RNASEL: variants seen among roughly 807,000 people sequenced by gnomAD.
RNASEL encodes the protein 2-5A-dependent ribonuclease.
RNASEL carries 36 observed loss-of-function variants against 50.9 expected under a neutral mutation model. That is an observed-to-expected ratio of 0.71 (90% CI 0.54 to 0.93). The LOEUF (loss-of-function observed/expected upper bound fraction) is 0.93. Among genes scored for constraint, RNASEL ranks in the 40% least tolerant of loss-of-function variants. The probability of loss-of-function intolerance (pLI) is 0.00; values close to 1 mark genes in which losing one functional copy is unlikely to be tolerated. For missense variants in RNASEL, 860 were observed against 894.5 expected (o/e 0.96, Z 0.49); for synonymous variants, 335 against 335.6 (o/e 1.00, Z 0.02).
chr1:182,584,313 A>G, intron 2 of RNASEL, 147 bp from the exon 3 acceptor site: 1 of 673,532 alleles, frequency 1.5e-6, no homozygotes, highest in Non-Finnish European at 2.7e-6. Context: ...TTTGCCATTC[A>G]CCCCTCAAAA....
Position 182,576,323 on chromosome 1 carries a change from T to A in RNASEL, c.1972A>T (p.Thr658Ser). 6.2e-7 allele frequency: 1 copy of A among 1,611,586 alleles called. No homozygotes were observed. The highest frequency in any genetic ancestry group is 8.5e-7 in the Non-Finnish European group (1 of 1,178,136). The change falls in exon 6 of 7, where the codon ACT (threonine) becomes TCT (serine). Residue 658 changes from threonine (T) to serine (S), a missense_variant. Physicochemically the swap from Thr to Ser is moderately conservative, Grantham distance 58 (BLOSUM62 1). Coordinates refer to ENST00000367559, the MANE Select transcript of RNASEL (RefSeq NM_021133.4). Reference sequence around the variant, plus strand: ...ATGAACTTTAGCAGATCACCCACAGTGTTCTGGTAGAAATTGCCTCTTTTT... The same window carrying A: ...ATGAACTTTAGCAGATCACCCACAGAGTTCTGGTAGAAATTGCCTCTTTTT... The part of the protein sequence containing the change: ...YEKRGNFYQN[T>S]VGDLLKFIRN...
chr1:182,577,333 A>C (rs1377710113), intron 5 of RNASEL, among the ~76,000 whole-genome samples: 1 of 152,090 alleles, frequency 6.6e-6, no homozygotes, highest in Non-Finnish European at 1.5e-5. Flanking sequence ...AAAATCTTTG[A>C]CTACTATACT....
rs529117669 is a variant in RNASEL, at chr1:182,573,990, C to G, written c.*1402G>C. 1 of 199,466 alleles carries G rather than the reference C, an allele frequency of 5.0e-6. No homozygotes were observed. The highest frequency in any genetic ancestry group is 1.9e-4 in the South Asian group (1 of 5,204). 12.4% of individuals were successfully genotyped at this position (199,466 alleles called of 1,614,324 possible). ...TAGTAACACTTCCTAGCTATACGTC[C>G]TAGAGGAAATCAAAATGTTTCTAAC... On this transcript the variant is annotated 3_prime_UTR_variant, in exon 7 of 7. Coordinates refer to ENST00000367559, the MANE Select transcript of RNASEL (RefSeq NM_021133.4).
intron 5 of RNASEL, chr1:182,580,095 A>G (rs900649194): frequency 6.3e-5 from 25 of 396,226 alleles, no homozygotes; most frequent in African/African-American, 5.0e-4. Context: ...TGGCTGCCAC[A>G]TAATCATAAT....
intron 5 of RNASEL, 66 bp downstream of exon 5, chr1:182,581,159 T>G: frequency 1.2e-6 from 2 of 1,611,458 alleles, no homozygotes; most frequent in Admixed American, 1.7e-5. Context: ...ATAGAAAAAC[T>G]AACATAAAAC....
chr1:182,575,885 A>G (rs1387848132), intron 6 of RNASEL, among the ~76,000 whole-genome samples: 4 of 152,254 alleles, frequency 2.6e-5, no homozygotes, highest in African/African-American at 9.6e-5. Flanking sequence ...TGAGTTTGCA[A>G]CTAACATCTT....
At chr1:182,588,713 C>T (rs1308974805) in intron 1 of RNASEL, among the ~76,000 whole-genome samples, 1 of 152,180 alleles carries the variant, frequency 6.6e-6, no homozygotes, top group Non-Finnish European at 1.5e-5. Flanking sequence ...GCAACACATA[C>T]ACGATCACCA....
rs534960363 is a variant in RNASEL at position 182,581,356 on chromosome 1, G to T, written c.1774C>A (p.Arg592Ser). The change falls in exon 5 of 7, where the codon CGC becomes AGC. Residue 592 changes from arginine to serine, a missense_variant and splice_region_variant. Physicochemically the swap from Arg to Ser is moderately radical, Grantham distance 110. Transcript: ENST00000367559. ...CCCACATTCCGAAGCGTCCTATAGCGGCTGAAGATGACTAAATGATCTAAA... is the reference window on the plus strand; with the variant it reads ...CCCACATTCCGAAGCGTCCTATAGCTGCTGAAGATGACTAAATGATCTAAA... ...GHPFFWTWES[R>S]YRTLRNVGNE... The T allele has an allele frequency of 6.2e-7, 1 of 1,613,662 alleles. No individual in the cohort carries two copies. Among genetic ancestry groups the T allele is most frequent in the Non-Finnish European group, 8.5e-7 (1 of 1,179,972 alleles).
intron 5 of RNASEL, chr1:182,576,946 G>C (rs1292074380): frequency 6.7e-6 from 1 of 149,976 alleles, no homozygotes; most frequent in Admixed American, 6.6e-5. Flanking sequence ...GTGCGATCTT[G>C]GCTCACTGCA....
rs1239740393 is a variant in RNASEL, at chr1:182,585,646, T to C, written c.1161A>G (p.Gln387=). The C allele has an allele frequency of 6.2e-7, 1 of 1,614,194 alleles. No individual in the cohort carries two copies. The highest frequency in any genetic ancestry group is 1.1e-5 in the South Asian group (1 of 91,090). Residue 387 remains glutamine, a synonymous_variant, in exon 2 of 7, where the codon CAA becomes CAG. Transcript: ENST00000367559. The part of the protein sequence containing the change: ...GGIYLGFYEK[Q]EVAVKTFCEG... The stretch of plus-strand genomic sequence containing the variant: ...CACAGAACGTCTTCACAGCTACTTC[T>C]TGCTTCTCATAGAACCCCAGGTAGA...
chr1:182,585,185 T>C (rs1289584873), intron 2 of RNASEL, 142 bp downstream of exon 2: 15 of 848,642 alleles, frequency 1.8e-5, no homozygotes, highest in Non-Finnish European at 2.8e-5. Flanking sequence ...TGCACTGTAA[T>C]TATGAATTTG....
chr1:182,588,363 G>A (rs931524719), intron 1 of RNASEL, among the ~76,000 whole-genome samples: 1 of 152,168 alleles, frequency 6.6e-6, no homozygotes, highest in African/African-American at 2.4e-5. Context: ...AAAGTATGGA[G>A]TGTTGCAAAT....
At position 182,586,411 on chromosome 1, in the gene RNASEL, G is replaced by A; in HGVS notation, c.396C>T (p.Ala132=). ...DFYGFTAFME[A]AVYGKVKALK... is the part of the protein sequence containing the mutation. ...GGGCTTTGACCTTACCATACACAGC[G>A]GCTTCCATGAAGGCTGTGAAGCCAT... Residue 132 remains alanine (A), a synonymous_variant, in exon 2 of 7, where the codon GCC becomes GCT. Coordinates refer to ENST00000367559, the MANE Select transcript of RNASEL (RefSeq NM_021133.4). 2.5e-6 allele frequency: 4 copies of A among 1,614,116 alleles called. No homozygotes were observed. Among genetic ancestry groups the A allele is most frequent in the Non-Finnish European group, 3.4e-6 (4 of 1,180,028 alleles).
chr1:182,575,308 T>G lies in RNASEL; in HGVS notation c.*84A>C. On this transcript the variant is annotated 3_prime_UTR_variant, in exon 7 of 7. Coordinates refer to ENST00000367559, the MANE Select transcript of RNASEL (RefSeq NM_021133.4). Reference sequence around the variant, plus strand: ...AACTCATCCCTCACAAGCAACCTGGTGAGTTAAAAGGCCCAGAATGTTGTG... The same window carrying G: ...AACTCATCCCTCACAAGCAACCTGGGGAGTTAAAAGGCCCAGAATGTTGTG... 51 of 1,373,812 alleles carry G rather than the reference T, an allele frequency of 3.7e-5. No homozygotes were observed. The highest frequency in any genetic ancestry group is 5.1e-5 in the Non-Finnish European group (49 of 962,978). The allele number at this position is 1,373,812 out of a possible 1,614,324, so 85.1% of individuals were successfully genotyped here.
In RNASEL at chr1:182,582,132, G is replaced by T; in HGVS notation, c.1693C>A (p.Arg565Ser). ...ACATGTTCCCCAGGATGGAAGAGAC[G>T]ATGAATGAGGTCCTTAGTTTCCTCA... ...PDEETKDLIHRLFHPGEHVRD... is the reference protein window; with the variant it reads ...PDEETKDLIHSLFHPGEHVRD... Residue 565 changes from arginine (R) to serine (S), a missense_variant, in exon 4 of 7, where the codon CGT (arginine) becomes AGT (serine). Coordinates refer to ENST00000367559, the MANE Select transcript of RNASEL (RefSeq NM_021133.4). 1 of 1,614,200 alleles carries T rather than the reference G, an allele frequency of 6.2e-7. No individual in the cohort carries two copies. The highest frequency in any genetic ancestry group is 1.1e-5 in the South Asian group (1 of 91,088).
intron 5 of RNASEL, chr1:182,579,532 G>T: frequency 4.5e-6 from 5 of 1,108,228 alleles, no homozygotes; most frequent in Non-Finnish European, 5.5e-6. Flanking sequence ...TGGCAGGATG[G>T]GGCAAGTCAA....
chr1:182,586,781 G>C lies in RNASEL; in HGVS notation c.26C>G (p.Pro9Arg), dbSNP rs1661609435. 21 of 1,614,208 alleles carry C rather than the reference G, an allele frequency of 1.3e-5. No homozygotes were observed. The highest frequency in any genetic ancestry group is 1.8e-5 in the Non-Finnish European group (21 of 1,180,046). MESRDHNN[P>R]QEGPTSSSGR... Reference sequence around the variant, plus strand: ...GCTGGAGGACGTGGGTCCCTCCTGGGGGTTGTTATGATCCCTGCTCTCCAT... The same window carrying C: ...GCTGGAGGACGTGGGTCCCTCCTGGCGGTTGTTATGATCCCTGCTCTCCAT... The change falls in exon 2 of 7, where the codon CCC becomes CGC. Residue 9 changes from proline (P) to arginine (R), a missense_variant. Pro to Arg is a moderately radical substitution (Grantham distance 103). Coordinates refer to ENST00000367559, the MANE Select transcript of RNASEL (RefSeq NM_021133.4).
chr1:182,582,190 T>C lies in RNASEL; in HGVS notation c.1635A>G (p.Gln545=). The part of the protein sequence containing the change: ...GSISFEDLKA[Q]SNEEVVQLSP... ...AAAGTTGAACCACCTCTTCATTACT[T>C]TGAGCTTTCAGATCCTCAAATGAGA... Residue 545 remains glutamine (Q), a synonymous_variant, in exon 4 of 7, where the codon CAA becomes CAG. Transcript: ENST00000367559. 2 of 1,614,246 alleles carry C rather than the reference T, an allele frequency of 1.2e-6. No individual in the cohort carries two copies. The highest frequency in any genetic ancestry group is 1.7e-6 in the Non-Finnish European group (2 of 1,180,042).
At chr1:182,581,667 A>G (rs1661500093) in intron 4 of RNASEL, among the ~76,000 whole-genome samples, 1 of 151,486 alleles carries the variant, frequency 6.6e-6, no homozygotes, top group African/African-American at 2.4e-5. Flanking sequence ...TTTTTAGTAG[A>G]GACGGGGTTT....
Sources: allele counts gnomAD v4.1 joint callset (sites outside exome capture counted in the v4.1 genomes callset), GRCh38; gene constraint gnomAD v4.1.1; transcripts MANE v1.5; gene names NCBI Gene and HGNC (gene_info 2026-07-23, HGNC 2026-07-21).